Variants in ALG14 observed in about 807,000 individuals in gnomAD.
ALG14 encodes the protein UDP-N-acetylglucosamine transferase subunit ALG14.
A neutral mutation model predicts 22.8 loss-of-function variants in ALG14; 17 were observed. The ratio of observed to expected loss-of-function variants is 0.75; its 90% confidence interval spans 0.51 to 1.12. The LOEUF (loss-of-function observed/expected upper bound fraction) is 1.12. ALG14 is among the 50% of genes most tolerant of loss of function. ALG14 has a pLI of 0.00. For synonymous variants in ALG14, 89 were observed against 103.7 expected, an observed-to-expected ratio of 0.86 and a Z score of 0.86; for missense variants, 288 against 271.8, an observed-to-expected ratio of 1.06 and a Z score of -0.42.
intron 3 of ALG14, among the ~76,000 whole-genome samples, chr1:95,010,749 C>T (rs897870597): frequency 4.6e-5 from 7 of 152,068 alleles, no homozygotes; most frequent in South Asian, 2.1e-4. Flanking sequence ...TTGTGTATTA[C>T]GGATTTAGAA....
Position 94,975,285 on chromosome 1 carries a change from A to G in ALG14, c.*7791T>C, listed in dbSNP as rs886382011. 1 of 152,110 alleles carries G rather than the reference A, an allele frequency of 6.6e-6. No homozygotes were observed. Among genetic ancestry groups the G allele is most frequent in the Admixed American group, 6.5e-5 (1 of 15,278 alleles). The allele number at this position is 152,110 out of a possible 1,614,324, so 9.4% of individuals were successfully genotyped here. On this transcript the variant is annotated 3_prime_UTR_variant, in exon 4 of 4. Transcript: ENST00000370205. Reference sequence around the variant, plus strand: ...GTGGCTGGCTTCTGTAACTTAGCCTACTGTTTACAAGGTTCATCCACACTG... The same window carrying G: ...GTGGCTGGCTTCTGTAACTTAGCCTGCTGTTTACAAGGTTCATCCACACTG...
chr1:95,072,608 G>T (rs545467904), intron 1 of ALG14, among the ~76,000 whole-genome samples, 155 bp downstream of exon 1: 4 of 152,300 alleles, frequency 2.6e-5, no homozygotes, highest in East Asian at 1.9e-4. Context: ...CCCCTACCCT[G>T]GCTGGACTGC....
intron 2 of ALG14, among the ~76,000 whole-genome samples, chr1:95,060,982 C>T (rs1003333018): frequency 2.0e-5 from 3 of 152,058 alleles, no homozygotes; most frequent in Admixed American, 6.5e-5. Context: ...ATAAAAAAGG[C>T]ATGTGAAGAC....
chr1:94,985,842 C>T (rs943025150), intron 3 of ALG14, among the ~76,000 whole-genome samples: 1 of 151,838 alleles, frequency 6.6e-6, no homozygotes, highest in Non-Finnish European at 1.5e-5. Context: ...AAGCACCTTA[C>T]TACAAAAGTC....
At chr1:94,996,941 C>T (rs181316275) in intron 3 of ALG14, among the ~76,000 whole-genome samples, 2 of 152,192 alleles carry the variant, frequency 1.3e-5, no homozygotes, top group Non-Finnish European at 2.9e-5. Flanking sequence ...CCTTGGCATC[C>T]CAAAGTGCTG....
In ALG14 at chr1:94,978,700, A is replaced by C. The variant is rs909764079; in HGVS notation, c.*4376T>G. ...AAGGAGGACAAATATTTAAGGCATT[A>C]TCCTTTGGAACTCAGGTAAAATACC... On this transcript the variant is annotated 3_prime_UTR_variant, in exon 4 of 4. Transcript: ENST00000370205. 9 of 152,178 alleles carry C rather than the reference A, an allele frequency of 5.9e-5. No individual in the cohort carries two copies. The highest frequency in any genetic ancestry group is 7.3e-5 in the Non-Finnish European group (5 of 68,034). The allele number at this position is 152,178 out of a possible 1,614,324, so 9.4% of individuals were successfully genotyped here. A position where few individuals can be genotyped will look rare whatever the true frequency, so the allele number is the denominator to read the frequency against.
chr1:95,046,434 A>C (rs1333604274), intron 2 of ALG14, among the ~76,000 whole-genome samples: 1 of 152,172 alleles, frequency 6.6e-6, no homozygotes, highest in Non-Finnish European at 1.5e-5. Flanking sequence ...CCTTAAGAGA[A>C]TCTAACTAAC....
At chr1:94,990,694 C>A (rs1344500656) in intron 3 of ALG14, among the ~76,000 whole-genome samples, 1 of 152,218 alleles carries the variant, frequency 6.6e-6, no homozygotes, top group Non-Finnish European at 1.5e-5. Flanking sequence ...TTCTTTTAAA[C>A]CATACCAAAA....
chr1:94,976,306 T>C lies in ALG14; in HGVS notation c.*6770A>G, dbSNP rs1408461856. The C allele has an allele frequency of 6.6e-6, 1 of 152,098 alleles. No homozygotes were observed. Among genetic ancestry groups the C allele is most frequent in the African/African-American group, 2.4e-5 (1 of 41,416 alleles). The allele number at this position is 152,098 out of a possible 1,614,324, so 9.4% of individuals were successfully genotyped here. A position where few individuals can be genotyped will look rare whatever the true frequency, so the allele number is the denominator to read the frequency against. ...AAATTAGAGAACTTGGATACTAAGG[T>C]AGGAGTTTGGTGGCCCAAGTGAAAG... On this transcript the variant is annotated 3_prime_UTR_variant, in exon 4 of 4. Coordinates refer to ENST00000370205, the MANE Select transcript of ALG14 (RefSeq NM_144988.4).
chr1:95,013,908 G>T (rs1571606148), intron 3 of ALG14, among the ~76,000 whole-genome samples: 6 of 142,864 alleles, frequency 4.2e-5, no homozygotes, highest in Admixed American at 7.1e-5. Flanking sequence ...TATTAGCATT[G>T]CCTTTAAATC....
intron 2 of ALG14, among the ~76,000 whole-genome samples, chr1:95,053,419 TA>T (rs1482501086): frequency 1.3e-5 from 2 of 152,106 alleles, no homozygotes; most frequent in East Asian, 3.8e-4. Context: ...TCATAATGAT[TA>T]AAAATAATTC....
Position 94,983,164 on chromosome 1 carries a change from A to G in ALG14, c.563T>C (p.Leu188Pro). 3.1e-6 allele frequency: 5 copies of G among 1,614,194 alleles called. No homozygotes were observed. In the South Asian group the frequency reaches 3.3e-5, roughly 11 times the overall value. ...VETLSMSGKI[L>P]FHLSDYFIVQ... is the part of the protein sequence containing the mutation. ...AATGAAGTAATCTGAGAGATGAAAC[A>G]GAATCTTTCCGGACATGGATAACGT... The change falls in exon 4 of 4, where the codon CTG becomes CCG. Residue 188 changes from leucine to proline, a missense_variant. Physicochemically the swap from Leu to Pro is moderately conservative, Grantham distance 98. Coordinates refer to ENST00000370205, the MANE Select transcript of ALG14 (RefSeq NM_144988.4).
At chr1:95,057,421 C>G (rs1674972307) in intron 2 of ALG14, among the ~76,000 whole-genome samples, 1 of 151,632 alleles carries the variant, frequency 6.6e-6, no homozygotes, top group African/African-American at 2.4e-5. Context: ...CAACTATTTA[C>G]ATAGTATTTA....
intron 3 of ALG14, among the ~76,000 whole-genome samples, chr1:95,026,709 A>T (rs1673831558): frequency 6.6e-6 from 1 of 152,140 alleles, no homozygotes; most frequent in Non-Finnish European, 1.5e-5. Context: ...CGGGCAGATT[A>T]CTTGAGGTCA....
rs776667055 is a variant in ALG14 at position 95,072,918 on chromosome 1, G to A, written c.-20C>T. 14 of 1,613,130 alleles carry A rather than the reference G, an allele frequency of 8.7e-6. No individual in the cohort carries two copies. The highest frequency in any genetic ancestry group is 1.2e-5 in the Non-Finnish European group (14 of 1,179,790). ...CACCATGCAGAGAAACGGCGCATGCGTCCAACTTCCGGGGACCAGCCGCTG... is the reference window on the plus strand; with the variant it reads ...CACCATGCAGAGAAACGGCGCATGCATCCAACTTCCGGGGACCAGCCGCTG... On this transcript the variant is annotated 5_prime_UTR_variant, in exon 1 of 4. In the 5' UTR this introduces an upstream ATG that the reference lacks. Coordinates refer to ENST00000370205, the MANE Select transcript of ALG14 (RefSeq NM_144988.4).
At chr1:95,017,037 T>C (rs556352851) in intron 3 of ALG14, among the ~76,000 whole-genome samples, 1 of 147,350 alleles carries the variant, frequency 6.8e-6, no homozygotes, top group African/African-American at 2.5e-5. Context: ...GTGGTCCCAA[T>C]ACTGACCAAC....
intron 2 of ALG14, among the ~76,000 whole-genome samples, chr1:95,046,993 T>TAACAC (rs1459135483): frequency 2.8e-4 from 32 of 115,168 alleles, no homozygotes; most frequent in African/African-American, 1.1e-3. Flanking sequence ...TAACATAACA[T>TAACAC]AACATAACAT....
intron 3 of ALG14, among the ~76,000 whole-genome samples, chr1:95,000,504 C>A (rs1246764172): frequency 6.8e-6 from 1 of 146,478 alleles, no homozygotes; most frequent in Non-Finnish European, 1.5e-5. Context: ...GCACTATACT[C>A]CAGCCTGCGT....
chr1:95,032,888 C>T (rs542278628), intron 2 of ALG14, among the ~76,000 whole-genome samples: 25 of 152,122 alleles, frequency 1.6e-4, no homozygotes, highest in Non-Finnish European at 3.2e-4. Context: ...TATTATTTTA[C>T]ATAGTTTTAG....
Sources: gnomAD v4.1 joint callset for allele counts (sites outside exome capture counted in the v4.1 genomes callset) on GRCh38, gnomAD v4.1.1 for gene constraint, MANE v1.5 for transcripts, NCBI Gene and HGNC (gene_info 2026-07-23, HGNC 2026-07-21) for gene names.